The following RTL4 variants were observed in gnomAD, a reference collection of about 807,000 sequenced individuals.
RTL4 encodes the protein retrotransposon Gag like 4.
RTL4 carries 4 observed loss-of-function variants against 5.3 expected under a neutral mutation model. The observed-to-expected ratio is 0.75, with a 90% CI of 0.37 to 1.72. RTL4 has a LOEUF of 1.72. Among genes scored for constraint, RTL4 ranks in the 40% most tolerant of loss-of-function variants. RTL4 has a pLI of 0.04. For synonymous variants in RTL4, 98 were observed against 87.3 expected, an observed-to-expected ratio of 1.12 and a Z score of -0.68; for missense variants, 260 against 227.1, an observed-to-expected ratio of 1.14 and a Z score of -0.93.
chrX:112,169,088 C>T, the RTL4 span, among the ~76,000 whole-genome samples: 201 of 33,983 alleles, frequency 5.9e-3, 1 homozygote, highest in African/African-American at 0.012. Context: ...TCTTTCTTTT[C>T]TTTCTTTCTT....
the RTL4 span, among the ~76,000 whole-genome samples, chrX:112,315,375 G>A: frequency 1.8e-5 from 2 of 110,954 alleles, no homozygotes; most frequent in Admixed American, 1.9e-4. Context: ...AGCTCCAGGG[G>A]AAGAACTCAT....
chrX:112,310,804 T>C, the RTL4 span, among the ~76,000 whole-genome samples: 1 of 85,569 alleles, frequency 1.2e-5, no homozygotes, highest in African/African-American at 4.4e-5. Context: ...TATAATTCTA[T>C]ATTATATATT....
At chrX:112,237,730 T>C in the RTL4 span, among the ~76,000 whole-genome samples, 2 of 112,206 alleles carry the variant, frequency 1.8e-5, no homozygotes, top group Non-Finnish European at 3.8e-5. Flanking sequence ...TTAATATATT[T>C]TATTACCGAG....
chrX:112,449,011 T>C, the RTL4 span, among the ~76,000 whole-genome samples: 1 of 111,685 alleles, frequency 9.0e-6, no homozygotes, highest in African/African-American at 3.3e-5. Flanking sequence ...GGAAATTCTA[T>C]TGAGAGTGTT....
the RTL4 span, among the ~76,000 whole-genome samples, chrX:112,250,578 G>A: frequency 3.6e-5 from 4 of 111,905 alleles, no homozygotes; most frequent in Non-Finnish European, 7.5e-5. Context: ...CCAGGATAGC[G>A]TCACATATAG....
exon 1 of RTL4, chrX:112,455,352 G>T: frequency 8.3e-7 from 1 of 1,211,590 alleles, no homozygotes; most frequent in Non-Finnish European, 1.1e-6. Flanking sequence ...TTCCAGACCT[G>T]ATCACTCAGT....
chrX:112,214,777 T>A, the RTL4 span, among the ~76,000 whole-genome samples: 4 of 111,582 alleles, frequency 3.6e-5, no homozygotes, highest in South Asian at 1.5e-3. Flanking sequence ...ATTAGTGTTT[T>A]TTTTGTTTGT....
chrX:112,175,233 A>G, the RTL4 span, among the ~76,000 whole-genome samples: 1 of 96,210 alleles, frequency 1.0e-5, no homozygotes, highest in Admixed American at 1.2e-4. Context: ...TAAGTCTTTA[A>G]TCCGTCTTGA....
At chrX:112,302,574 G>A in the RTL4 span, among the ~76,000 whole-genome samples, 1 of 112,297 alleles carries the variant, frequency 8.9e-6, no homozygotes, top group Non-Finnish European at 1.9e-5. Flanking sequence ...AGTGTAAATT[G>A]TACTCATTAA....
At chrX:112,379,932 T>C in the RTL4 span, among the ~76,000 whole-genome samples, 13 of 111,401 alleles carry the variant, frequency 1.2e-4, no homozygotes, top group South Asian at 7.5e-4. Context: ...TCAATCAAGA[T>C]AAAGAACAAT....
chrX:112,304,739 TC>T, the RTL4 span, among the ~76,000 whole-genome samples: 1 of 105,209 alleles, frequency 9.5e-6, no homozygotes, highest in East Asian at 3.0e-4. Context: ...GAAACACTGT[TC>T]TAAATTGTTC....
At chrX:112,288,583 G>A in the RTL4 span, among the ~76,000 whole-genome samples, 1 of 112,111 alleles carries the variant, frequency 8.9e-6, no homozygotes, top group African/African-American at 3.2e-5. Flanking sequence ...GTATCAATCT[G>A]GGTATGCTAG....
At chrX:112,104,360 T>C in the RTL4 span, among the ~76,000 whole-genome samples, 13 of 112,440 alleles carry the variant, frequency 1.2e-4, 1 homozygote, top group South Asian at 3.6e-3. Flanking sequence ...CAGTAAACAT[T>C]GGAGTGGAGA....
chrX:112,328,970 G>A, the RTL4 span, among the ~76,000 whole-genome samples: 1 of 111,593 alleles, frequency 9.0e-6, no homozygotes, highest in African/African-American at 3.3e-5. Context: ...TGAGAACAAA[G>A]ACACAACATA....
chrX:112,319,468 A>G, the RTL4 span, among the ~76,000 whole-genome samples: 1 of 112,016 alleles, frequency 8.9e-6, no homozygotes, highest in South Asian at 3.7e-4. Context: ...GCAAAACTTT[A>G]TTCATTTTTA....
the RTL4 span, among the ~76,000 whole-genome samples, chrX:112,099,777 A>G: frequency 1.8e-5 from 2 of 111,667 alleles, no homozygotes; most frequent in African/African-American, 6.5e-5. Context: ...TTTACGGAGA[A>G]TGAAAGACAG....
At chrX:112,375,276 T>C in the RTL4 span, among the ~76,000 whole-genome samples, 1 of 110,991 alleles carries the variant, frequency 9.0e-6, no homozygotes, top group African/African-American at 3.3e-5. Flanking sequence ...ATGACCCAGT[T>C]GAGGCGGGGG....
At chrX:112,152,086 C>T in the RTL4 span, among the ~76,000 whole-genome samples, 1 of 111,570 alleles carries the variant, frequency 9.0e-6, no homozygotes, top group Non-Finnish European at 1.9e-5. Flanking sequence ...ATACTTTCTT[C>T]TGTAGTTGAA....
the RTL4 span, among the ~76,000 whole-genome samples, chrX:112,201,972 T>TG: frequency 3.1e-5 from 3 of 98,221 alleles, no homozygotes; most frequent in Non-Finnish European, 5.9e-5. Flanking sequence ...TTTGTGTGTG[T>TG]TTGTGTGTGT....
Sources: allele counts gnomAD v4.1 joint callset (sites outside exome capture counted in the v4.1 genomes callset), GRCh38; gene constraint gnomAD v4.1.1; transcripts MANE v1.5; gene names NCBI Gene and HGNC (gene_info 2026-07-23, HGNC 2026-07-21).